ACSF3: variants seen among roughly 807,000 people sequenced by gnomAD.
ACSF3 encodes acyl-CoA synthetase family member 3.
A neutral mutation model predicts 53.2 loss-of-function variants in ACSF3; 78 were observed. The ratio of observed to expected loss-of-function variants is 1.47; its 90% confidence interval spans 1.22 to 1.77. The LOEUF (loss-of-function observed/expected upper bound fraction) is 1.77, where lower values mean the gene tolerates loss of function less well. Among genes scored for constraint, ACSF3 ranks in the 40% most tolerant of loss-of-function variants. The pLI is 0.00. For synonymous variants in ACSF3, 414 were observed against 333.1 expected (o/e 1.24, Z -2.65); for missense variants, 937 against 771.1 (o/e 1.22, Z -2.55).
chr16:89,146,760 A>G (rs1913041330), intron 10 of ACSF3, among the ~76,000 whole-genome samples: 1 of 152,022 alleles, frequency 6.6e-6, no homozygotes, highest in Non-Finnish European at 1.5e-5. Flanking sequence ...TTCCCCAAGG[A>G]CTTTCTCCCA....
In ACSF3 at chr16:89,102,333, G is replaced by A. The variant is rs1216134806; in HGVS notation, c.667-271G>A. The A allele has an allele frequency of 3.9e-5, 20 of 507,592 alleles. 1 individual carries two copies. The Admixed American group carries it at 4.4e-4, about 11-fold the overall frequency. The allele number at this position is 507,592 out of a possible 1,614,324, so 31.4% of individuals were successfully genotyped here. ...GCTCTGTCGACCTGGTGTCTGCAGA[G>A]CCACTCCCCGACCTTCTAAATTCCC... On this transcript the variant is annotated intron_variant, in intron 3 of 10. Transcript: ENST00000614302.
intron 1 of ACSF3, among the ~76,000 whole-genome samples, chr16:89,094,262 G>C (rs1215111750): frequency 1.3e-5 from 2 of 152,142 alleles, no homozygotes; most frequent in African/African-American, 4.8e-5. Context: ...CCGTCGAGCC[G>C]GCGGGGTCCG....
At chr16:89,113,790 G>A (rs1297303354) in intron 5 of ACSF3, 7 of 218,504 alleles carry the variant, frequency 3.2e-5, no homozygotes, top group Admixed American at 1.0e-4. Context: ...TGTGGGCCAA[G>A]ATGGCTGCAG....
Position 89,142,504 on chromosome 16 carries a change from C to T in ACSF3, c.1367-2763C>T, listed in dbSNP as rs529246051. 4.3e-4 allele frequency among the ~76,000 whole-genome samples: 66 copies of T among 152,052 alleles called. 1 individual carries two copies. The highest frequency in any genetic ancestry group is 6.9e-4 in the Non-Finnish European group (47 of 67,956). ...TAACACATCTGCAGAGACACAGCCA[C>T]GCCTGCAGAGACATACCCACACCTG... is the stretch of plus-strand genomic sequence containing the variant. On this transcript the variant is annotated intron_variant, in intron 8 of 10. Transcript: ENST00000614302.
intron 8 of ACSF3, among the ~76,000 whole-genome samples, chr16:89,143,486 G>A (rs1190098699): frequency 6.6e-6 from 1 of 152,190 alleles, no homozygotes; most frequent in Non-Finnish European, 1.5e-5. Context: ...CAGCAGCTGT[G>A]GCATCCGTGG....
rs374451559 is a variant in ACSF3 at position 89,114,435 on chromosome 16, C to T, written c.1074C>T (p.Thr358=). 2.4e-5 allele frequency: 39 copies of T among 1,613,518 alleles called. No homozygotes were observed. In the South Asian group the frequency reaches 3.1e-4, roughly 13 times the overall value. The stretch of plus-strand genomic sequence containing the variant: ...CCCTGCTGGAGCGGTATGGCATGAC[C>T]GAGATCGGCATGGCTCTGTCCGGGC... The part of the protein sequence containing the change: ...GHTLLERYGM[T]EIGMALSGPL... Residue 358 remains threonine (T), a synonymous_variant, in exon 6 of 11, where the codon ACC becomes ACT. Transcript: ENST00000614302.
chr16:89,147,889 G>A (rs1231272393), intron 10 of ACSF3: 1 of 152,162 alleles, frequency 6.6e-6, no homozygotes, highest in Non-Finnish European at 1.5e-5. Context: ...ACAGTCCAAA[G>A]TCTCGTCTGA....
intron 8 of ACSF3, among the ~76,000 whole-genome samples, chr16:89,142,832 G>A (rs112298222): frequency 2.0e-5 from 3 of 152,230 alleles, no homozygotes; most frequent in African/African-American, 7.2e-5. Context: ...TAAGGAGACG[G>A]GGTCTCGCAG....
chr16:89,104,795 G>A, intron 4 of ACSF3, among the ~76,000 whole-genome samples: 1 of 152,358 alleles, frequency 6.6e-6, no homozygotes, highest in East Asian at 1.9e-4. Flanking sequence ...AAGAGAAGGG[G>A]CTCTTCTCTA....
intron 7 of ACSF3, among the ~76,000 whole-genome samples, chr16:89,129,929 G>C (rs899871819): frequency 1.3e-5 from 2 of 152,210 alleles, no homozygotes; most frequent in African/African-American, 4.8e-5. Flanking sequence ...AGTGTAGTCA[G>C]TGTAATACCT....
In ACSF3 at chr16:89,154,961, TCACCGTCTCCACCCAGACCCC is replaced by T; in HGVS notation, c.*759_*779del. On this transcript the variant is annotated 3_prime_UTR_variant, in exon 11 of 11. Transcript: ENST00000614302. ...CTCAGCCGGTGAACCCTCTCTCCCA[TCACCGTCTCCACCCAGACCCC>T]CACCTGCCCCATGGCCCCCATTTCA... 2.2e-6 allele frequency: 1 copy of T among 453,736 alleles called. No homozygotes were observed. The highest frequency in any genetic ancestry group is 4.4e-6 in the Non-Finnish European group (1 of 226,658). 28.1% of individuals were successfully genotyped at this position (453,736 alleles called of 1,614,324 possible). A position where few individuals can be genotyped will look rare whatever the true frequency, so the allele number is the denominator to read the frequency against.
intron 5 of ACSF3, among the ~76,000 whole-genome samples, chr16:89,112,457 C>T (rs947017823): frequency 1.3e-5 from 2 of 151,928 alleles, no homozygotes; most frequent in Non-Finnish European, 2.9e-5. Flanking sequence ...TAATCTCTTC[C>T]ACGTCGATAG....
At chr16:89,107,014 C>G (rs568086559) in intron 4 of ACSF3, among the ~76,000 whole-genome samples, 3 of 152,378 alleles carry the variant, frequency 2.0e-5, no homozygotes, top group African/African-American at 4.8e-5. Context: ...CCCTGGCCGA[C>G]TTCCTCAGGA....
intron 8 of ACSF3, among the ~76,000 whole-genome samples, chr16:89,134,404 G>T (rs11076768): frequency 6.6e-6 from 1 of 152,076 alleles, no homozygotes; most frequent in Non-Finnish European, 1.5e-5. Context: ...CTTTAGGCCA[G>T]TCGGGAGTGG....
At chr16:89,140,978 C>T (rs916604174) in intron 8 of ACSF3, 6 of 1,081,366 alleles carry the variant, frequency 5.5e-6, no homozygotes, top group Middle Eastern at 4.0e-4. Context: ...CATTGGCAGC[C>T]GACTCCGATT....
chr16:89,124,345 ATG>A (rs923664793), intron 7 of ACSF3, among the ~76,000 whole-genome samples: 31 of 150,672 alleles, frequency 2.1e-4, no homozygotes, highest in African/African-American at 7.5e-4. Context: ...CACTACATGT[ATG>A]TGTGTGATAC....
At chr16:89,100,579 T>G in intron 2 of ACSF3, 83 bp from the exon 3 acceptor site, 2 of 1,350,250 alleles carry the variant, frequency 1.5e-6, no homozygotes, top group Non-Finnish European at 2.0e-6. Context: ...GGCTGGGTAC[T>G]GGGGAGGTGT....
At chr16:89,139,480 A>G (rs544065902) in intron 8 of ACSF3, among the ~76,000 whole-genome samples, 29 of 151,316 alleles carry the variant, frequency 1.9e-4, no homozygotes, top group Admixed American at 1.1e-3. Context: ...TTGGCTGCGT[A>G]TAGGGTTCAG....
chr16:89,100,667 C>CTCCCGGGAG lies in ACSF3; in HGVS notation c.-15_-14insTCCCGGGAG, dbSNP rs1555560298. On this transcript the variant is annotated 5_prime_UTR_variant, in exon 3 of 11. Transcript: ENST00000614302. ...TGTGCCTTGCCTTTCTCCAGCTCGG[C>CTCCCGGGAG]CGCCTGTCAGTGCAATGCTGCCCCA... 6 of 1,588,658 alleles carry CTCCCGGGAG rather than the reference C, an allele frequency of 3.8e-6. No individual in the cohort carries two copies. Among genetic ancestry groups the CTCCCGGGAG allele is most frequent in the African/African-American group, 2.7e-5 (2 of 74,586 alleles).
Sources: gnomAD v4.1 joint callset for allele counts (sites outside exome capture counted in the v4.1 genomes callset) on GRCh38, gnomAD v4.1.1 for gene constraint, MANE v1.5 for transcripts, NCBI Gene and HGNC (gene_info 2026-07-23, HGNC 2026-07-21) for gene names.